The following PCDHGB2 variants were observed in gnomAD, a reference collection of about 807,000 sequenced individuals.
PCDHGB2 encodes protocadherin gamma subfamily B, 2.
A neutral mutation model predicts 59.3 loss-of-function variants in PCDHGB2; 55 were observed. That is an observed-to-expected ratio of 0.93 (90% CI 0.75 to 1.16). PCDHGB2 has a LOEUF of 1.16. Ranked by LOEUF, PCDHGB2 falls within the 50% of genes most tolerant of loss-of-function variation. The probability of loss-of-function intolerance (pLI) is 0.00; values close to 1 mark genes in which losing one functional copy is unlikely to be tolerated. For missense variants in PCDHGB2, 1,228 were observed against 1,198.5 expected (o/e 1.02, Z -0.36); for synonymous variants, 516 against 512.0 (o/e 1.01, Z -0.11).
At chr5:141,383,492 G>A (rs1012277194) in intron 1 of PCDHGB2, 4 of 1,613,060 alleles carry the variant, frequency 2.5e-6, no homozygotes, top group African/African-American at 2.7e-5. Context: ...GTGCTGGAGC[G>A]GGTGCTGGAC....
In PCDHGB2 at chr5:141,430,937, G is replaced by C. The variant is rs888990395; in HGVS notation, c.2422-63870G>C. ...CCTGGGGCTGGAGCCCCGGGAGCTC[G>C]CGGAGCGCGGAGTCCGCATCATCCC... On this transcript the variant is annotated intron_variant, in intron 1 of 3. Coordinates refer to ENST00000522605, the MANE Select transcript of PCDHGB2 (RefSeq NM_018923.3). The C allele has an allele frequency of 8.7e-6, 14 of 1,607,498 alleles. No individual in the cohort carries two copies. The highest frequency in any genetic ancestry group is 1.7e-5 in the Admixed American group (1 of 58,732).
At chr5:141,402,091 G>A (rs1453803021) in intron 1 of PCDHGB2, among the ~76,000 whole-genome samples, 2 of 152,204 alleles carry the variant, frequency 1.3e-5, no homozygotes, top group African/African-American at 4.8e-5. Context: ...TAGCAGAAAA[G>A]TTTAAGCAAT....
At chr5:141,408,697 C>T (rs58047392) in intron 1 of PCDHGB2, 227,396 of 1,612,898 alleles carry the variant, frequency 0.14, 18,149 homozygotes, top group African/African-American at 0.31. Context: ...TAAACATAAA[C>T]TCAATTAAAG....
chr5:141,387,732 C>T (rs940812767), intron 1 of PCDHGB2: 5 of 1,279,332 alleles, frequency 3.9e-6, no homozygotes, highest in Non-Finnish European at 5.3e-6. Context: ...CAGCGCCAGC[C>T]TTTACACCGC....
At chr5:141,392,689 C>T in intron 1 of PCDHGB2, 1 of 1,115,570 alleles carries the variant, frequency 9.0e-7, no homozygotes, top group Non-Finnish European at 1.2e-6. Context: ...CAGCGAAACC[C>T]GACCCCTGTT....
At chr5:141,453,811 A>G (rs541081089) in intron 1 of PCDHGB2, among the ~76,000 whole-genome samples, 1 of 152,350 alleles carries the variant, frequency 6.6e-6, no homozygotes, top group Admixed American at 6.5e-5. Context: ...AGTTCCATAA[A>G]GGACAAACTT....
Position 141,432,153 on chromosome 5 carries a change from A to T in PCDHGB2, c.2422-62654A>T. 6.2e-7 allele frequency: 1 copy of T among 1,613,758 alleles called. No homozygotes were observed. The highest frequency in any genetic ancestry group is 8.5e-7 in the Non-Finnish European group (1 of 1,179,910). On this transcript the variant is annotated intron_variant, in intron 1 of 3. Transcript: ENST00000522605. This position sits in a 1 kb window ranked among gnomAD's most constrained non-coding sequence, Gnocchi z 6.0. ...TATTCCGCTTATATCCCAGAGAACA[A>T]TCCCAGAGGAGTTTCCCTCGTCTCT...
At chr5:141,406,574 C>A (rs941574087) in intron 1 of PCDHGB2, among the ~76,000 whole-genome samples, 1 of 152,164 alleles carries the variant, frequency 6.6e-6, no homozygotes, top group African/African-American at 2.4e-5. Context: ...CCCTAGTAAA[C>A]CAATTTTTTC....
chr5:141,413,838 G>A, intron 1 of PCDHGB2: 1 of 1,613,284 alleles, frequency 6.2e-7, no homozygotes, highest in Non-Finnish European at 8.5e-7. Context: ...CCTCCGACGG[G>A]GGTGACCCTC....
intron 1 of PCDHGB2, among the ~76,000 whole-genome samples, chr5:141,448,316 T>C (rs1042171540): frequency 6.6e-6 from 1 of 152,174 alleles, no homozygotes; most frequent in Non-Finnish European, 1.5e-5. Flanking sequence ...AGGAATCTTT[T>C]CTTTGAATCT....
chr5:141,375,244 G>T (rs527726605), intron 1 of PCDHGB2: 4 of 1,613,892 alleles, frequency 2.5e-6, no homozygotes, highest in Non-Finnish European at 3.4e-6. Context: ...GTTCCATCCC[G>T]AGAAGTCTCC....
chr5:141,489,837 G>A lies in PCDHGB2; in HGVS notation c.2422-4970G>A. 6.2e-7 allele frequency: 1 copy of A among 1,614,204 alleles called. No individual in the cohort carries two copies. ...TCCCAGAGCTGGTGCTAGAGCAGCAGCTGGATCGTGAAGCCCAGGCAAGAC... is the reference window on the plus strand; with the variant it reads ...TCCCAGAGCTGGTGCTAGAGCAGCAACTGGATCGTGAAGCCCAGGCAAGAC... On this transcript the variant is annotated intron_variant, in intron 1 of 3. Transcript: ENST00000522605. This position sits in a 1 kb window ranked among gnomAD's most constrained non-coding sequence, Gnocchi z 4.5.
At chr5:141,376,216 G>A (rs1036569498) in intron 1 of PCDHGB2, 23 of 1,614,106 alleles carry the variant, frequency 1.4e-5, no homozygotes, top group Non-Finnish European at 1.9e-5. Flanking sequence ...TCATCGTGCT[G>A]CTGGCGCTCA....
chr5:141,410,230 C>A (rs759582867), intron 1 of PCDHGB2: 2 of 1,614,006 alleles, frequency 1.2e-6, no homozygotes, highest in South Asian at 2.2e-5. Flanking sequence ...CAGACCTCAG[C>A]GACCGCCCTG....
intron 1 of PCDHGB2, chr5:141,422,827 A>T: frequency 6.2e-7 from 1 of 1,614,208 alleles, no homozygotes; most frequent in Non-Finnish European, 8.5e-7. Context: ...ACTGAGAGTG[A>T]TAGCACGTGA....
At chr5:141,404,381 T>A (rs762394525) in intron 1 of PCDHGB2, 5 of 1,613,954 alleles carry the variant, frequency 3.1e-6, no homozygotes, top group Middle Eastern at 1.6e-4. Context: ...CGTGATTGCC[T>A]ATGACCCTGA....
Position 141,390,510 on chromosome 5 carries a change from TAA to T in PCDHGB2, c.2421+27956_2421+27957del. The T allele has an allele frequency of 5.1e-6, 3 of 587,534 alleles. No homozygotes were observed. The South Asian group carries it at 6.4e-5, about 13-fold the overall frequency. 36.4% of individuals were successfully genotyped at this position (587,534 alleles called of 1,614,324 possible). A position where few individuals can be genotyped will look rare whatever the true frequency, so the allele number is the denominator to read the frequency against. The stretch of plus-strand genomic sequence containing the variant: ...TGTTTTTTAGCCAAGCTTAGATTTA[TAA>T]AGCAATGAGGGTGTGGTTTTAACCA... On this transcript the variant is annotated intron_variant, in intron 1 of 3. Transcript: ENST00000522605.
chr5:141,384,524 T>C, intron 1 of PCDHGB2: 1 of 1,614,208 alleles, frequency 6.2e-7, no homozygotes. Context: ...GACCCGCCTC[T>C]CAGCAGCAAC....
chr5:141,418,125 G>T (rs765373450), intron 1 of PCDHGB2: 7 of 1,613,968 alleles, frequency 4.3e-6, no homozygotes, highest in African/African-American at 2.7e-5. Flanking sequence ...GTGAAGGACC[G>T]AATAGACCGT....
Sources: gnomAD v4.1 joint callset for allele counts (sites outside exome capture counted in the v4.1 genomes callset) on GRCh38, gnomAD v4.1.1 for gene constraint, Gnocchi (gnomAD v3.1) non-coding constraint, MANE v1.5 for transcripts, NCBI Gene and HGNC (gene_info 2026-07-23, HGNC 2026-07-21) for gene names.